MAGI2: variants seen among roughly 807,000 people sequenced by gnomAD.
MAGI2 encodes membrane associated guanylate kinase, WW and PDZ domain containing 2.
Under a neutral mutation model 133.3 loss-of-function variants are expected in MAGI2, and 35 were observed. The ratio of observed to expected loss-of-function variants is 0.26; its 90% confidence interval spans 0.20 to 0.35. The LOEUF (loss-of-function observed/expected upper bound fraction) is 0.35. MAGI2 is among the 10% of genes least tolerant of loss of function. The pLI is 1.00. For missense variants in MAGI2, 1,636 were observed against 1,863.4 expected, an observed-to-expected ratio of 0.88 and a Z score of 2.25; for synonymous variants, 729 against 710.6, an observed-to-expected ratio of 1.03 and a Z score of -0.41.
intron 1 of MAGI2, among the ~76,000 whole-genome samples, chr7:79,138,634 C>T (rs755900442): frequency 6.6e-6 from 1 of 152,038 alleles, no homozygotes; most frequent in Non-Finnish European, 1.5e-5. Flanking sequence ...GGAGACAGGG[C>T]CTTTAAATAA....
chr7:78,058,574 C>T (rs533397886), intron 21 of MAGI2, among the ~76,000 whole-genome samples: 9 of 151,760 alleles, frequency 5.9e-5, no homozygotes, highest in East Asian at 1.9e-4. Flanking sequence ...CGGGTTCAAG[C>T]GATTCTCTTG....
intron 1 of MAGI2, chr7:79,125,195 A>G (rs1430664200): frequency 8.1e-6 from 3 of 372,270 alleles, no homozygotes; most frequent in African/African-American, 2.1e-5. Context: ...AACACTGACT[A>G]TGGTGATTCT....
At chr7:78,235,779 C>T (rs938548432) in intron 10 of MAGI2, among the ~76,000 whole-genome samples, 1 of 152,030 alleles carries the variant, frequency 6.6e-6, no homozygotes, top group Non-Finnish European at 1.5e-5. Flanking sequence ...TCTTCTGGAT[C>T]CCCCAACTCA....
At chr7:78,789,918 T>C (rs953435880) in intron 2 of MAGI2, among the ~76,000 whole-genome samples, 1 of 152,140 alleles carries the variant, frequency 6.6e-6, no homozygotes, top group Non-Finnish European at 1.5e-5. Context: ...TAGTTATAAG[T>C]AGGTTCCATT....
chr7:78,988,764 G>T (rs891816498), intron 2 of MAGI2, among the ~76,000 whole-genome samples: 1 of 152,078 alleles, frequency 6.6e-6, no homozygotes, highest in Non-Finnish European at 1.5e-5. Flanking sequence ...CTCAGTGGAA[G>T]ACGCAGAACT....
At chr7:78,572,412 T>A (rs1018450770) in intron 3 of MAGI2, among the ~76,000 whole-genome samples, 1 of 152,114 alleles carries the variant, frequency 6.6e-6, no homozygotes, top group Non-Finnish European at 1.5e-5. Context: ...GAGGCAAAAG[T>A]TCATAGATGT....
intron 3 of MAGI2, among the ~76,000 whole-genome samples, chr7:78,572,569 A>G (rs528391449): frequency 6.6e-6 from 1 of 152,294 alleles, no homozygotes; most frequent in Non-Finnish European, 1.5e-5. Context: ...TAAAAAGGTA[A>G]CAGAATTCCC....
intron 1 of MAGI2, among the ~76,000 whole-genome samples, chr7:79,182,478 G>A (rs1361286835): frequency 4.0e-5 from 6 of 151,886 alleles, no homozygotes; most frequent in Non-Finnish European, 5.9e-5. Flanking sequence ...CACCTCCCAC[G>A]GGGTACCTCC....
intron 2 of MAGI2, among the ~76,000 whole-genome samples, chr7:78,790,521 C>A (rs1393466078): frequency 1.3e-5 from 2 of 152,026 alleles, no homozygotes; most frequent in African/African-American, 2.4e-5. Context: ...GCAAACTCTG[C>A]CTCCCAGGTT....
Position 78,031,762 on chromosome 7 carries a change from A to G in MAGI2, c.3707-11786T>C, listed in dbSNP as rs1420528428. Among the ~76,000 whole-genome samples, 3 of 152,210 alleles carry G rather than the reference A, an allele frequency of 2.0e-5. No individual in the cohort carries two copies. The East Asian group carries it at 5.8e-4, about 29-fold the overall frequency. On this transcript the variant is annotated intron_variant, in intron 21 of 21. Transcript: ENST00000354212. ...GTCACGGGAGAGATGATGGAAACCGATAATAGCCACATCTTGCCAAAGATG... is the reference window on the plus strand; with the variant it reads ...GTCACGGGAGAGATGATGGAAACCGGTAATAGCCACATCTTGCCAAAGATG...
At chr7:78,452,116 G>A (rs755150956) in intron 6 of MAGI2, among the ~76,000 whole-genome samples, 3 of 151,990 alleles carry the variant, frequency 2.0e-5, no homozygotes, top group South Asian at 2.1e-4. Context: ...TTTACTGAGT[G>A]TGGACTGTGT....
rs544998249 is a variant in MAGI2, at chr7:78,750,239, C to T, written c.419-123000G>A. The stretch of plus-strand genomic sequence containing the variant: ...CCCTTTTTTACGGCTGGATAGTATT[C>T]CATGGTGTATATGTGCCATATTTTC... On this transcript the variant is annotated intron_variant, in intron 2 of 21. Transcript: ENST00000354212. Among the ~76,000 whole-genome samples the T allele has an allele frequency of 2.0e-5, 3 of 152,240 alleles. No homozygotes were observed. The South Asian group carries it at 6.2e-4, about 32-fold the overall frequency.
chr7:79,125,739 T>C, intron 1 of MAGI2: 1 of 519,860 alleles, frequency 1.9e-6, no homozygotes, highest in South Asian at 1.4e-5. Flanking sequence ...CCAAGGCCAA[T>C]ACTTTGCCAA....
intron 2 of MAGI2, among the ~76,000 whole-genome samples, chr7:78,672,047 C>T (rs981891067): frequency 9.2e-5 from 14 of 152,150 alleles, no homozygotes; most frequent in Non-Finnish European, 1.8e-4. Context: ...AATGCATTTT[C>T]CCTCTATAGA....
intron 21 of MAGI2, among the ~76,000 whole-genome samples, chr7:78,069,752 T>A (rs1366500103): frequency 6.6e-6 from 1 of 152,110 alleles, no homozygotes; most frequent in East Asian, 1.9e-4. Context: ...TTCCCCATAG[T>A]TCTTACAGTA....
intron 2 of MAGI2, among the ~76,000 whole-genome samples, chr7:78,861,236 G>A (rs1293048000): frequency 6.6e-6 from 1 of 152,024 alleles, no homozygotes; most frequent in Non-Finnish European, 1.5e-5. Context: ...TGCACCCACT[G>A]CCTGACAAGC....
chr7:79,222,850 A>T (rs1467775182), intron 1 of MAGI2, among the ~76,000 whole-genome samples: 1 of 151,890 alleles, frequency 6.6e-6, no homozygotes, highest in Non-Finnish European at 1.5e-5. Flanking sequence ...TTTCATATAC[A>T]TTATCTCATT....
At chr7:78,253,478 C>T (rs1792640754) in intron 10 of MAGI2, 1 of 152,048 alleles carries the variant, frequency 6.6e-6, no homozygotes, top group Non-Finnish European at 1.5e-5. Context: ...CATACACTTA[C>T]ATTGGTGAGT....
At chr7:79,232,735 A>T (rs1208108171) in intron 1 of MAGI2, among the ~76,000 whole-genome samples, 1 of 127,660 alleles carries the variant, frequency 7.8e-6, no homozygotes, top group Non-Finnish European at 1.6e-5. Flanking sequence ...TGATCCTTTC[A>T]AAAAACCAGC....
Sources: allele counts gnomAD v4.1 joint callset (sites outside exome capture counted in the v4.1 genomes callset), GRCh38; gene constraint gnomAD v4.1.1; transcripts MANE v1.5; gene names NCBI Gene and HGNC (gene_info 2026-07-23, HGNC 2026-07-21).